C1orf105: variants seen among roughly 807,000 people sequenced by gnomAD.
C1orf105 encodes chromosome 1 open reading frame 105.
A neutral mutation model predicts 20.8 loss-of-function variants in C1orf105; 17 were observed. The observed-to-expected ratio is 0.82, with a 90% CI of 0.56 to 1.23. The LOEUF is 1.23. Ranked by LOEUF, C1orf105 falls within the 50% of genes most tolerant of loss-of-function variation. The pLI, the probability that C1orf105 is intolerant of heterozygous loss-of-function variation, is 0.00. For synonymous variants in C1orf105, 72 were observed against 72.1 expected (o/e 1.00, Z 0.01); for missense variants, 219 against 213.5 (o/e 1.03, Z -0.16).
chr1:172,442,268 C>G, intron 1 of C1orf105: 1 of 1,613,892 alleles, frequency 6.2e-7, no homozygotes, highest in Non-Finnish European at 8.5e-7. Context: ...CTCTTCAGGT[C>G]AGCCCACCGG....
chr1:172,448,658 G>T, intron 3 of C1orf105, 127 bp downstream of exon 3: 1 of 599,724 alleles, frequency 1.7e-6, no homozygotes, highest in Non-Finnish European at 3.0e-6. Context: ...ATAAATATTT[G>T]TTAAATGAAA....
At chr1:172,442,635 C>G (rs766259779) in intron 1 of C1orf105, 51 of 1,598,364 alleles carry the variant, frequency 3.2e-5, no homozygotes, top group Non-Finnish European at 4.2e-5. Flanking sequence ...TCCTTTCATT[C>G]AAACTCAGGC....
intron 1 of C1orf105, chr1:172,442,460 A>T: frequency 6.2e-7 from 1 of 1,614,166 alleles, no homozygotes; most frequent in Non-Finnish European, 8.5e-7. Context: ...ACCACACTGG[A>T]CTCAAATACC....
chr1:172,451,127 G>A (rs1648582008), intron 3 of C1orf105: 1 of 152,344 alleles, frequency 6.6e-6, no homozygotes, highest in African/African-American at 2.4e-5. Context: ...GGTGTGTGGG[G>A]GTGACCCGGA....
chr1:172,451,012 A>T (rs973710078), intron 3 of C1orf105: 1 of 152,232 alleles, frequency 6.6e-6, no homozygotes, highest in East Asian at 1.9e-4. Flanking sequence ...GCAGGCATCC[A>T]CTCACGACTC....
At chr1:172,461,565 C>T (rs1400685854) in intron 4 of C1orf105, among the ~76,000 whole-genome samples, 2 of 152,052 alleles carry the variant, frequency 1.3e-5, no homozygotes, top group African/African-American at 2.4e-5. Flanking sequence ...GTTTCTTAAC[C>T]GAAAATACTG....
At chr1:172,444,830 G>T (rs899145230) in intron 1 of C1orf105, among the ~76,000 whole-genome samples, 21 of 152,202 alleles carry the variant, frequency 1.4e-4, no homozygotes, top group African/African-American at 4.1e-4. Context: ...CAGAAAACAT[G>T]ACCCATTTAC....
chr1:172,456,456 A>G lies in C1orf105; in HGVS notation c.240A>G (p.Gln80=). The G allele has an allele frequency of 1.2e-6, 2 of 1,613,570 alleles. No individual in the cohort carries two copies. Among genetic ancestry groups the G allele is most frequent in the African/African-American group, 1.3e-5 (1 of 75,022 alleles). The change falls in exon 4 of 7, where the codon CAA becomes CAG. Residue 80 remains glutamine (Q), a synonymous_variant. Coordinates refer to ENST00000367727, the MANE Select transcript of C1orf105 (RefSeq NM_139240.4). Reference sequence around the variant, plus strand: ...GTGACTCCATGCTGCTCAGAAACCAACAGCTGTGCTCCACATGTCAAGAAA... The same window carrying G: ...GTGACTCCATGCTGCTCAGAAACCAGCAGCTGTGCTCCACATGTCAAGAAA... ...NQCDSMLLRN[Q]QLCSTCQEMK... is the part of the protein sequence containing the mutation.
At chr1:172,432,822 G>A (rs565311827) in intron 1 of C1orf105, among the ~76,000 whole-genome samples, 1 of 152,334 alleles carries the variant, frequency 6.6e-6, no homozygotes, top group African/African-American at 2.4e-5. Flanking sequence ...ACTTTTCTGA[G>A]CTAAAGAAGC....
chr1:172,440,598 G>A (rs1352923062), intron 1 of C1orf105, among the ~76,000 whole-genome samples: 1 of 152,048 alleles, frequency 6.6e-6, no homozygotes, highest in African/African-American at 2.4e-5. Context: ...CAAATTCATA[G>A]CCCTCAAATT....
At chr1:172,456,281 G>A (rs1276505118) in intron 3 of C1orf105, 134 bp from the exon 4 acceptor site, 6 of 746,302 alleles carry the variant, frequency 8.0e-6, no homozygotes, top group Non-Finnish European at 1.4e-5. Flanking sequence ...ATGGGGCTGA[G>A]ACCAGAGTGC....
chr1:172,430,714 T>G (rs1348254427), intron 1 of C1orf105, among the ~76,000 whole-genome samples: 2 of 152,180 alleles, frequency 1.3e-5, no homozygotes, highest in African/African-American at 4.8e-5. Flanking sequence ...GTGCTGAGAT[T>G]GCAGGTGTGA....
At chr1:172,432,731 C>T (rs1361822118) in intron 1 of C1orf105, among the ~76,000 whole-genome samples, 7 of 152,194 alleles carry the variant, frequency 4.6e-5, no homozygotes, top group South Asian at 2.1e-4. Context: ...CGCAGCTCCT[C>T]GCCAGCAATG....
intron 6 of C1orf105, chr1:172,465,580 C>T (rs1000187489): frequency 3.5e-5 from 23 of 663,858 alleles, no homozygotes; most frequent in Admixed American, 1.4e-4. Flanking sequence ...CCTCACTTGC[C>T]CTTATACATG....
intron 1 of C1orf105, among the ~76,000 whole-genome samples, chr1:172,421,729 G>T (rs80221929): frequency 1.4e-4 from 21 of 152,106 alleles, no homozygotes; most frequent in African/African-American, 5.1e-4. Flanking sequence ...TTTTAACTTC[G>T]TATTGTTGAA....
intron 1 of C1orf105, among the ~76,000 whole-genome samples, chr1:172,433,970 C>T (rs1318542798): frequency 6.6e-6 from 1 of 152,134 alleles, no homozygotes; most frequent in Non-Finnish European, 1.5e-5. Context: ...TCTGATAAAA[C>T]AGACTTTAAA....
Position 172,450,751 on chromosome 1 carries a change from C to T in C1orf105, c.198+2220C>T, listed in dbSNP as rs575583359. Among the ~76,000 whole-genome samples, 413 of 152,302 alleles carry T rather than the reference C, an allele frequency of 2.7e-3. 1 individual carries two copies. The highest frequency in any genetic ancestry group is 4.9e-3 in the Non-Finnish European group (331 of 68,024). On this transcript the variant is annotated intron_variant, in intron 3 of 6. Transcript: ENST00000367727. ...CAGCCCCGTGCCTGAGGCAGGTGCA[C>T]GTGTGCCTGGAGCAGTATTTCCTAG...
At chr1:172,456,622 G>A (rs1006051045) in intron 4 of C1orf105, 133 bp downstream of exon 4, 1 of 755,790 alleles carries the variant, frequency 1.3e-6, no homozygotes, top group Admixed American at 2.4e-5. Flanking sequence ...CTGCCAAGGA[G>A]GAACTGTTGG....
chr1:172,423,864 A>G (rs1245157779), intron 1 of C1orf105, among the ~76,000 whole-genome samples: 1 of 152,096 alleles, frequency 6.6e-6, no homozygotes, highest in Non-Finnish European at 1.5e-5. Flanking sequence ...AGCAGAATTG[A>G]TCAAGCAGAA....
Sources: gnomAD v4.1 joint callset for allele counts (sites outside exome capture counted in the v4.1 genomes callset) on GRCh38, gnomAD v4.1.1 for gene constraint, MANE v1.5 for transcripts, NCBI Gene and HGNC (gene_info 2026-07-23, HGNC 2026-07-21) for gene names.